The following GGT1 variants were observed in gnomAD, a reference collection of about 807,000 sequenced individuals.
The protein encoded by GGT1 is gamma-glutamyltransferase 1.
Under a neutral mutation model 56.0 loss-of-function variants are expected in GGT1, and 21 were observed. The ratio of observed to expected loss-of-function variants is 0.38; its 90% confidence interval spans 0.27 to 0.54. The LOEUF (loss-of-function observed/expected upper bound fraction) is 0.54. Ranked by LOEUF, GGT1 falls within the 20% of genes least tolerant of loss-of-function variation. The pLI, the probability that GGT1 is intolerant of heterozygous loss-of-function variation, is 0.82. For synonymous variants in GGT1, 238 were observed against 342.6 expected (o/e 0.69, Z 3.37); for missense variants, 466 against 787.0 (o/e 0.59, Z 4.88).
At chr22:24,591,466 A>G (rs971398992), upstream of GGT1, among the ~76,000 whole-genome samples, 1 of 152,136 alleles carries the variant, frequency 6.6e-6, no homozygotes, top group Non-Finnish European at 1.5e-5. Flanking sequence ...GCCTTCTCCA[A>G]TCCATAGGTG....
upstream of GGT1, among the ~76,000 whole-genome samples, chr22:24,590,521 T>C (rs1032658837): frequency 5.9e-5 from 9 of 152,164 alleles, no homozygotes; most frequent in African/African-American, 1.2e-4. Context: ...AGTGTTGTGC[T>C]GTGACACTGC....
chr22:24,588,926 G>A, the GGT1 span: 1 of 1,002,542 alleles, frequency 1.0e-6, no homozygotes, highest in African/African-American at 1.7e-5. Context: ...TGGAATCCGA[G>A]GTGCGCGGCC....
At position 24,614,683 on chromosome 22, in the gene GGT1, C is replaced by A. The variant is rs2046948614; in HGVS notation, c.165-93C>A. On this transcript the variant is annotated intron_variant, in intron 5 of 15. Coordinates refer to ENST00000400382, the MANE Select transcript of GGT1 (RefSeq NM_001288833.2). The stretch of plus-strand genomic sequence containing the variant: ...CCCAAAACTCGAATGGACTTCTCTT[C>A]CATCCTCCTTTGGGCAGGTGGGCAG... 4 of 1,092,470 alleles carry A rather than the reference C, an allele frequency of 3.7e-6. No individual in the cohort carries two copies. The East Asian group carries it at 7.3e-5, about 20-fold the overall frequency. The allele number at this position is 1,092,470 out of a possible 1,614,324, so 67.7% of individuals were successfully genotyped here.
intron 3 of GGT1, 89 bp from the exon 4 acceptor site, chr22:24,610,161 G>A (rs1219596203): frequency 2.9e-5 from 10 of 343,438 alleles, no homozygotes; most frequent in Admixed American, 1.1e-4. Context: ...GCCCTGCTCC[G>A]TGCAAAACCC....
the GGT1 span, among the ~76,000 whole-genome samples, chr22:24,585,288 C>T: frequency 6.6e-6 from 1 of 152,194 alleles, no homozygotes; most frequent in African/African-American, 2.4e-5. Context: ...GTGAGGCTGG[C>T]AGCCTGGGCT....
chr22:24,618,237 A>C (rs1354608217), intron 7 of GGT1, among the ~76,000 whole-genome samples: 1 of 152,114 alleles, frequency 6.6e-6, no homozygotes, highest in African/African-American at 2.4e-5. Context: ...CGTTACTTTG[A>C]AATATACAAA....
the GGT1 span, chr22:24,589,247 A>G: frequency 7.9e-7 from 1 of 1,269,538 alleles, no homozygotes; most frequent in South Asian, 1.3e-5. Context: ...AGGTGCTGTC[A>G]GCATGGGGTT....
chr22:24,614,769 A>G lies in GGT1; in HGVS notation c.165-7A>G, dbSNP rs1316928805. ...AGGTTCTCATGCCTTTATGTGCCAC[A>G]TGGCAGGGATGCACTGCGGGACGGT... is the stretch of plus-strand genomic sequence containing the variant. On this transcript the variant is annotated splice_region_variant and splice_polypyrimidine_tract_variant and intron_variant, in intron 5 of 15. Coordinates refer to ENST00000400382, the MANE Select transcript of GGT1 (RefSeq NM_001288833.2). 6.2e-7 allele frequency: 1 copy of G among 1,613,466 alleles called. No homozygotes were observed. Among genetic ancestry groups the G allele is most frequent in the South Asian group, 1.1e-5 (1 of 91,054 alleles).
chr22:24,597,684 A>ACACAC (rs60798811), intron 1 of GGT1, among the ~76,000 whole-genome samples: 2,529 of 148,818 alleles, frequency 0.017, 63 homozygotes, highest in African/African-American at 0.058. Flanking sequence ...CCATCTCAAA[A>ACACAC]ACACACACAC....
At chr22:24,610,095 C>T in intron 3 of GGT1, 62 bp downstream of exon 3, 1 of 436,286 alleles carries the variant, frequency 2.3e-6, no homozygotes, top group Middle Eastern at 8.1e-4. Flanking sequence ...GCCCCCTTTG[C>T]CATGCTGACC....
At position 24,610,379 on chromosome 22, in the gene GGT1, T is replaced by C. The variant is rs1169851589; in HGVS notation, c.-160T>C. 4.9e-6 allele frequency: 1 copy of C among 204,808 alleles called. No individual in the cohort carries two copies. Among genetic ancestry groups the C allele is most frequent in the Admixed American group, 5.5e-5 (1 of 18,198 alleles). The allele number at this position is 204,808 out of a possible 1,614,324, so 12.7% of individuals were successfully genotyped here. A position where few individuals can be genotyped will look rare whatever the true frequency, so the allele number is the denominator to read the frequency against. ...TCAGGAGAACGAGAAGGCTGCCTGA[T>C]CAGAGAGTCCCTGAAGAAGATTCTG... On this transcript the variant is annotated 5_prime_UTR_variant, in exon 4 of 16. Transcript: ENST00000400382.
At position 24,605,793 on chromosome 22, in the gene GGT1, AATATATGATGTGTATTATATATTAT is replaced by A. The variant is rs1432417958; in HGVS notation, c.-428-2156_-428-2132del. Among the ~76,000 whole-genome samples, 93 of 71,830 alleles carry A rather than the reference AATATATGATGTGTATTATATATTAT, an allele frequency of 1.3e-3. 13 individuals carry two copies. The highest frequency in any genetic ancestry group is 3.6e-3 in the African/African-American group (33 of 9,112). The allele number at this position is 71,830 out of a possible 152,430, so 47.1% of individuals were successfully genotyped here. On this transcript the variant is annotated intron_variant, in intron 1 of 15. Coordinates refer to ENST00000400382, the MANE Select transcript of GGT1 (RefSeq NM_001288833.2). ...ATATAATGTGTATTATATATTATAT[AATATATGATGTGTATTATATATTAT>A]ATATTATATGATGTGTATTATATAT... is the stretch of plus-strand genomic sequence containing the variant.
upstream of GGT1, among the ~76,000 whole-genome samples, chr22:24,590,571 G>A (rs888878868): frequency 6.6e-6 from 1 of 152,108 alleles, no homozygotes; most frequent in African/African-American, 2.4e-5. Flanking sequence ...ATTCTTTGGG[G>A]TCTTTCGTCT....
At chr22:24,584,413 G>A in the GGT1 span, among the ~76,000 whole-genome samples, 8 of 152,184 alleles carry the variant, frequency 5.3e-5, no homozygotes, top group Non-Finnish European at 4.4e-5. Flanking sequence ...GAGATCAGTG[G>A]GGTCTGAGGA....
chr22:24,591,432 G>A (rs2147170899), upstream of GGT1, among the ~76,000 whole-genome samples: 1 of 152,354 alleles, frequency 6.6e-6, no homozygotes, highest in South Asian at 2.1e-4. Context: ...CCACAGCCAG[G>A]AGGGGCCTCT....
chr22:24,592,886 G>GCCGGGCGCGCT (rs2045615379), upstream of GGT1: 4 of 1,281,650 alleles, frequency 3.1e-6, no homozygotes, highest in South Asian at 4.7e-5. Flanking sequence ...CGCAGCAGCT[G>GCCGGGCGCGCT]CCGGGCGCGC....
chr22:24,622,589 C>T (rs1015796997), intron 9 of GGT1, among the ~76,000 whole-genome samples: 13 of 151,958 alleles, frequency 8.6e-5, no homozygotes, highest in African/African-American at 3.1e-4. Context: ...AGTAGCAAAA[C>T]ACAACAAAAA....
the GGT1 span, among the ~76,000 whole-genome samples, chr22:24,587,150 T>C: frequency 6.6e-6 from 1 of 152,176 alleles, no homozygotes; most frequent in African/African-American, 2.4e-5. Context: ...TGATGTCGAT[T>C]CTTTTAGGGT....
chr22:24,621,194 T>C, intron 9 of GGT1, 124 bp downstream of exon 9: 1 of 1,469,366 alleles, frequency 6.8e-7, no homozygotes, highest in Non-Finnish European at 9.0e-7. Context: ...TGGAGGAGGG[T>C]CAGTGACTGG....
Sources: allele counts gnomAD v4.1 joint callset (sites outside exome capture counted in the v4.1 genomes callset), GRCh38; gene constraint gnomAD v4.1.1; transcripts MANE v1.5; gene names NCBI Gene and HGNC (gene_info 2026-07-23, HGNC 2026-07-21).